GUCY1A2: variants seen among roughly 807,000 people sequenced by gnomAD.
The protein encoded by GUCY1A2 is guanylate cyclase soluble subunit alpha-2.
Under a neutral mutation model 63.5 loss-of-function variants are expected in GUCY1A2, and 27 were observed. That is an observed-to-expected ratio of 0.43 (90% CI 0.31 to 0.59). GUCY1A2 has a LOEUF of 0.59. Ranked by LOEUF, GUCY1A2 falls within the 20% of genes least tolerant of loss-of-function variation. GUCY1A2 has a pLI of 0.11. For synonymous variants in GUCY1A2, 364 were observed against 343.5 expected (o/e 1.06, Z -0.66); for missense variants, 768 against 913.3 (o/e 0.84, Z 2.05).
In GUCY1A2 at chr11:106,851,942, G is replaced by C. The variant is rs116331683; in HGVS notation, c.1207-41464C>G. Among the ~76,000 whole-genome samples, 367 of 152,048 alleles carry C rather than the reference G, an allele frequency of 2.4e-3. 1 individual carries two copies. The highest frequency in any genetic ancestry group is 8.6e-3 in the African/African-American group (359 of 41,552). The stretch of plus-strand genomic sequence containing the variant: ...TTCAATCTGAAAATTTTGGGGGGTA[G>C]TATGGCCATTTTAACATTATTAATT... On this transcript the variant is annotated intron_variant, in intron 4 of 7. Transcript: ENST00000526355.
intron 5 of GUCY1A2, among the ~76,000 whole-genome samples, chr11:106,798,977 CTGTT>C (rs1044672720): frequency 6.6e-5 from 10 of 152,118 alleles, no homozygotes; most frequent in Non-Finnish European, 1.3e-4. Flanking sequence ...GTCAAATTGT[CTGTT>C]TGCAGATGAC....
chr11:106,827,968 C>G (rs749621093), intron 4 of GUCY1A2: 2 of 887,878 alleles, frequency 2.3e-6, no homozygotes, highest in Admixed American at 2.0e-5. Flanking sequence ...GAAGCAGCCG[C>G]GAGGCGGTCA....
chr11:106,871,627 G>A (rs1010979577), intron 4 of GUCY1A2, among the ~76,000 whole-genome samples: 1 of 152,038 alleles, frequency 6.6e-6, no homozygotes. Context: ...TCACCTTAAG[G>A]TCATTTGATT....
At chr11:106,949,416 C>G (rs1246469006) in intron 3 of GUCY1A2, among the ~76,000 whole-genome samples, 1 of 152,166 alleles carries the variant, frequency 6.6e-6, no homozygotes, top group African/African-American at 2.4e-5. Flanking sequence ...TTACAGGCTT[C>G]TGTACATGGC....
chr11:107,000,768 ATCCTT>A (rs960937882), intron 1 of GUCY1A2, among the ~76,000 whole-genome samples: 2 of 152,208 alleles, frequency 1.3e-5, no homozygotes, highest in African/African-American at 4.8e-5. Flanking sequence ...GACTCTCTCT[ATCCTT>A]TCCTTTTTAG....
chr11:106,876,352 C>T (rs1441434113), intron 4 of GUCY1A2, among the ~76,000 whole-genome samples: 1 of 151,836 alleles, frequency 6.6e-6, no homozygotes, highest in African/African-American at 2.4e-5. Context: ...CACTATGGTC[C>T]AAAAACAGAT....
intron 6 of GUCY1A2, among the ~76,000 whole-genome samples, chr11:106,756,088 T>C (rs1177105745): frequency 6.6e-6 from 1 of 152,230 alleles, no homozygotes; most frequent in African/African-American, 2.4e-5. Flanking sequence ...ATTGATCCCT[T>C]TACCATTATG....
intron 5 of GUCY1A2, among the ~76,000 whole-genome samples, chr11:106,796,123 A>G (rs1316941329): frequency 1.3e-5 from 2 of 152,094 alleles, no homozygotes; most frequent in Non-Finnish European, 2.9e-5. Flanking sequence ...AGAGACTAGG[A>G]TTGCAACTCC....
intron 1 of GUCY1A2, among the ~76,000 whole-genome samples, chr11:107,008,078 T>C (rs1861696160): frequency 6.8e-6 from 1 of 146,934 alleles, no homozygotes; most frequent in South Asian, 2.1e-4. Context: ...GGGTCAGGAG[T>C]TCGACACCAG....
At chr11:106,846,551 A>T (rs1859276211) in intron 4 of GUCY1A2, among the ~76,000 whole-genome samples, 1 of 151,664 alleles carries the variant, frequency 6.6e-6, no homozygotes, top group Admixed American at 6.6e-5. Context: ...GCAGTGTTCT[A>T]TTTGTACTAT....
At chr11:106,838,517 GACAA>G (rs759402736) in intron 4 of GUCY1A2, among the ~76,000 whole-genome samples, 32 of 151,884 alleles carry the variant, frequency 2.1e-4, no homozygotes, top group East Asian at 1.7e-3. Flanking sequence ...ATAACTAATG[GACAA>G]ACAAATTTTC....
At chr11:106,808,175 A>G (rs1858716853) in intron 5 of GUCY1A2, among the ~76,000 whole-genome samples, 1 of 152,116 alleles carries the variant, frequency 6.6e-6, no homozygotes, top group Non-Finnish European at 1.5e-5. Flanking sequence ...TAAGAACACC[A>G]AGGCCTGGAA....
At chr11:106,696,447 T>C (rs1419548410) in intron 7 of GUCY1A2, among the ~76,000 whole-genome samples, 2 of 152,234 alleles carry the variant, frequency 1.3e-5, no homozygotes, top group Admixed American at 6.5e-5. Flanking sequence ...CTGGTCTTTC[T>C]GTATAAAAGA....
At chr11:106,698,340 C>G (rs1443948192) in intron 7 of GUCY1A2, among the ~76,000 whole-genome samples, 1 of 150,890 alleles carries the variant, frequency 6.6e-6, no homozygotes, top group East Asian at 1.9e-4. Context: ...CCAGACTGGT[C>G]TCAAACTCCT....
At chr11:106,708,367 T>C (rs1862954512) in intron 7 of GUCY1A2, 145 bp downstream of exon 7, 1 of 558,188 alleles carries the variant, frequency 1.8e-6, no homozygotes, top group African/African-American at 1.9e-5. Flanking sequence ...TCACAATTAC[T>C]ATCTATCTTT....
intron 4 of GUCY1A2, among the ~76,000 whole-genome samples, chr11:106,839,492 A>C (rs1859165893): frequency 6.6e-6 from 1 of 152,098 alleles, no homozygotes. Context: ...CATTTGACCC[A>C]GCCATCCCAT....
intron 5 of GUCY1A2, among the ~76,000 whole-genome samples, chr11:106,790,372 G>A (rs974511499): frequency 6.6e-6 from 1 of 151,466 alleles, no homozygotes; most frequent in Non-Finnish European, 1.5e-5. Context: ...CAGGCCTGGG[G>A]CTTATCCTTT....
intron 4 of GUCY1A2, among the ~76,000 whole-genome samples, chr11:106,834,605 C>T (rs1168706804): frequency 2.6e-5 from 4 of 151,818 alleles, no homozygotes; most frequent in African/African-American, 9.7e-5. Context: ...TGGAAGGATC[C>T]TCATGAAAAA....
intron 1 of GUCY1A2, among the ~76,000 whole-genome samples, chr11:107,007,122 TA>T (rs113342719): frequency 0.07 from 10,526 of 151,148 alleles, 774 homozygotes; most frequent in African/African-American, 0.19. Flanking sequence ...ATTGGAACCA[TA>T]AAAAAAAATG....
Sources: allele counts gnomAD v4.1 joint callset (sites outside exome capture counted in the v4.1 genomes callset), GRCh38; gene constraint gnomAD v4.1.1; transcripts MANE v1.5; gene names NCBI Gene and HGNC (gene_info 2026-07-23, HGNC 2026-07-21).